Variants in CLCN4 observed in about 807,000 individuals in gnomAD.
CLCN4 encodes the protein H(+)/Cl(-) exchange transporter 4.
CLCN4 carries 1 observed loss-of-function variant against 41.7 expected under a neutral mutation model. That is an observed-to-expected ratio of 0.02 (90% CI 0.01 to 0.11). The LOEUF is 0.11. CLCN4 is among the 10% of genes least tolerant of loss of function. CLCN4 has a pLI of 1.00. For synonymous variants in CLCN4, 277 were observed against 285.8 expected (o/e 0.97, Z 0.31); for missense variants, 287 against 661.0 (o/e 0.43, Z 6.20).
intron 2 of CLCN4, among the ~76,000 whole-genome samples, chrX:10,179,716 A>G: frequency 8.9e-6 from 1 of 112,019 alleles, no homozygotes. Flanking sequence ...GGGTGTTTTC[A>G]TGAAACATGA....
In CLCN4 at chrX:10,158,339, G is replaced by T. The variant is rs1251190749; in HGVS notation, c.-224G>T. 3 of 292,433 alleles carry T rather than the reference G, an allele frequency of 1.0e-5. No individual in the cohort carries two copies. Among genetic ancestry groups the T allele is most frequent in the African/African-American group, 8.2e-5 (3 of 36,569 alleles). The allele number at this position is 292,433 out of a possible 1,213,427, so 24.1% of individuals were successfully genotyped here. A position where few individuals can be genotyped will look rare whatever the true frequency, so the allele number is the denominator to read the frequency against. The stretch of plus-strand genomic sequence containing the variant: ...GAAACGCCTGAGGGGCGGCCAGCGC[G>T]AGGGTTTCTGGCCATCGACCCTCAC... On this transcript the variant is annotated 5_prime_UTR_variant, in exon 2 of 13. Coordinates refer to ENST00000380833, the MANE Select transcript of CLCN4 (RefSeq NM_001830.4).
At chrX:10,216,895 G>GTATATATATA (rs1277215208) in intron 11 of CLCN4, among the ~76,000 whole-genome samples, 1 of 2,096 alleles carries the variant, frequency 4.8e-4, no homozygotes, top group African/African-American at 8.0e-4. Context: ...GTGTGTGTGT[G>GTATATATATA]TGTATATATA....
intron 2 of CLCN4, among the ~76,000 whole-genome samples, chrX:10,184,510 TCA>T (rs1160874632): frequency 1.8e-5 from 2 of 111,752 alleles, no homozygotes; most frequent in Non-Finnish European, 3.8e-5. Context: ...GCCATGTTTT[TCA>T]CAGTTTTGTG....
At chrX:10,229,226 C>T (rs1188497069) in intron 12 of CLCN4, among the ~76,000 whole-genome samples, 2 of 110,862 alleles carry the variant, frequency 1.8e-5, no homozygotes, top group South Asian at 3.8e-4. Context: ...AACAAAGCCG[C>T]CTTTCCTAGC....
chrX:10,158,915 C>G (rs1184702654), intron 2 of CLCN4, among the ~76,000 whole-genome samples: 1 of 113,331 alleles, frequency 8.8e-6, no homozygotes, highest in African/African-American at 3.2e-5. Context: ...AGGTAACTAT[C>G]AAGTGTTTTC....
intron 6 of CLCN4, among the ~76,000 whole-genome samples, chrX:10,199,180 T>G (rs1924173555): frequency 8.9e-6 from 1 of 112,532 alleles, no homozygotes. Flanking sequence ...GCGCAGCCAG[T>G]TCTGCTATAA....
chrX:10,175,901 TCTCC>T (rs1435808085), intron 2 of CLCN4, among the ~76,000 whole-genome samples: 3 of 100,341 alleles, frequency 3.0e-5, no homozygotes, highest in Non-Finnish European at 6.1e-5. Flanking sequence ...TCTCTCTCTC[TCTCC>T]CTCCCTCCCT....
At chrX:10,181,100 G>C (rs1923670707) in intron 2 of CLCN4, among the ~76,000 whole-genome samples, 1 of 111,356 alleles carries the variant, frequency 9.0e-6, no homozygotes, top group African/African-American at 3.3e-5. Context: ...GCTCACACCT[G>C]TAATCCCAGC....
At chrX:10,181,527 G>A (rs1033094353) in intron 2 of CLCN4, among the ~76,000 whole-genome samples, 9 of 111,676 alleles carry the variant, frequency 8.1e-5, no homozygotes, top group Non-Finnish European at 1.5e-4. Context: ...AGGCAGAGGA[G>A]AAGGTTCAAG....
At chrX:10,214,193 C>G in intron 11 of CLCN4, 114 bp downstream of exon 11, 1 of 806,208 alleles carries the variant, frequency 1.2e-6, no homozygotes, top group Non-Finnish European at 1.7e-6. Context: ...GGCTCTCAAG[C>G]TTTCACATGT....
At chrX:10,207,836 C>T (rs1045680809) in intron 8 of CLCN4, among the ~76,000 whole-genome samples, 1 of 111,807 alleles carries the variant, frequency 8.9e-6, no homozygotes, top group Non-Finnish European at 1.9e-5. Flanking sequence ...AGCCCAAACC[C>T]ACCTTGATTA....
intron 2 of CLCN4, among the ~76,000 whole-genome samples, chrX:10,184,197 G>A (rs1923753907): frequency 8.9e-6 from 1 of 112,238 alleles, no homozygotes; most frequent in African/African-American, 3.2e-5. Context: ...TGCCCCTCCA[G>A]CCCTGTCATT....
chrX:10,192,753 C>T (rs1924000391), intron 4 of CLCN4, among the ~76,000 whole-genome samples: 1 of 112,146 alleles, frequency 8.9e-6, no homozygotes, highest in African/African-American at 3.2e-5. Context: ...AGGCTGGAGA[C>T]CAGAGAGGAA....
chrX:10,205,374 G>A (rs1380855198), intron 6 of CLCN4, among the ~76,000 whole-genome samples: 2 of 106,283 alleles, frequency 1.9e-5, no homozygotes, highest in Non-Finnish European at 3.9e-5. Flanking sequence ...TCAGGAGGCT[G>A]AGGCAGGAGA....
chrX:10,229,545 T>G, intron 12 of CLCN4, among the ~76,000 whole-genome samples: 1 of 103,991 alleles, frequency 9.6e-6, no homozygotes, highest in Non-Finnish European at 2.0e-5. Flanking sequence ...CCCTCCCCCG[T>G]CCCCCCACCC....
intron 6 of CLCN4, 85 bp downstream of exon 6, chrX:10,198,146 C>T (rs757628832): frequency 1.5e-5 from 14 of 919,129 alleles, no homozygotes; most frequent in Non-Finnish European, 2.0e-5. Flanking sequence ...CAGTTCCAAG[C>T]GTTTTACTTC....
intron 11 of CLCN4, among the ~76,000 whole-genome samples, chrX:10,215,470 C>T (rs1033646723): frequency 1.8e-5 from 2 of 111,512 alleles, no homozygotes; most frequent in Admixed American, 9.6e-5. Context: ...CGATGCTTCT[C>T]CTTATTATAG....
Position 10,208,089 on chromosome X carries a change from C to T in CLCN4, c.888C>T (p.Phe296=), listed in dbSNP as rs756922664. The part of the protein sequence containing the change: ...FPLKTLWRSF[F]AALVAAFTLR... ...TGAAGACCTTGTGGAGGTCATTTTT[C>T]GCAGCCCTGGTGGCGGCCTTTACGC... Residue 296 remains phenylalanine, a synonymous_variant, in exon 9 of 13, where the codon TTC becomes TTT. Transcript: ENST00000380833. The T allele has an allele frequency of 1.6e-5, 19 of 1,208,530 alleles. No homozygotes were observed. The East Asian group carries it at 1.8e-4, about 11-fold the overall frequency.
At chrX:10,195,522 C>T (rs1924074985) in intron 5 of CLCN4, among the ~76,000 whole-genome samples, 1 of 111,767 alleles carries the variant, frequency 8.9e-6, no homozygotes, top group African/African-American at 3.3e-5. Context: ...TCACATTGTT[C>T]ACCCGTTTAA....
Sources: gnomAD v4.1 joint callset for allele counts (sites outside exome capture counted in the v4.1 genomes callset) on GRCh38, gnomAD v4.1.1 for gene constraint, MANE v1.5 for transcripts, NCBI Gene and HGNC (gene_info 2026-07-23, HGNC 2026-07-21) for gene names.